Variants in EHBP1 observed in about 807,000 individuals in gnomAD.
EHBP1 encodes the protein EH domain binding protein 1.
A neutral mutation model predicts 144.0 loss-of-function variants in EHBP1; 55 were observed. That is an observed-to-expected ratio of 0.38 (90% CI 0.31 to 0.48). The LOEUF is 0.48. EHBP1 is among the 20% of genes least tolerant of loss of function. The pLI is 0.98. For missense variants in EHBP1, 1,200 were observed against 1,364.2 expected (o/e 0.88, Z 1.90); for synonymous variants, 469 against 472.7 (o/e 0.99, Z 0.10).
intron 19 of EHBP1, among the ~76,000 whole-genome samples, chr2:63,008,754 TA>T (rs2060150971): frequency 6.6e-6 from 1 of 151,450 alleles, no homozygotes; most frequent in African/African-American, 2.4e-5. Flanking sequence ...AAACCAGAAA[TA>T]AAAATATATA....
chr2:62,693,089 A>G (rs1277659124), intron 1 of EHBP1, among the ~76,000 whole-genome samples: 1 of 152,174 alleles, frequency 6.6e-6, no homozygotes, highest in African/African-American at 2.4e-5. Flanking sequence ...TTTAGCTCCC[A>G]TAGATAAGTG....
At chr2:62,704,744 A>G (rs2151771705), upstream of EHBP1, among the ~76,000 whole-genome samples, 2 of 152,250 alleles carry the variant, frequency 1.3e-5, no homozygotes, top group South Asian at 4.2e-4. Flanking sequence ...GAACCACCTA[A>G]AACTGAAAAC....
intron 7 of EHBP1, among the ~76,000 whole-genome samples, chr2:62,845,402 T>C (rs747843063): frequency 1.3e-5 from 2 of 152,164 alleles, no homozygotes; most frequent in Non-Finnish European, 2.9e-5. Flanking sequence ...TTTGGCTACC[T>C]TCAGGGAACA....
chr2:62,953,217 CAAAAAAAAAA>C (rs35848429), intron 13 of EHBP1, among the ~76,000 whole-genome samples: 1 of 64,492 alleles, frequency 1.6e-5, no homozygotes, highest in South Asian at 7.3e-4. Flanking sequence ...AAGTCCGTCT[CAAAAAAAAAA>C]AAAAAAAAAA....
intron 5 of EHBP1, among the ~76,000 whole-genome samples, chr2:62,788,597 A>G (rs1307604002): frequency 6.6e-6 from 1 of 152,156 alleles, no homozygotes; most frequent in Non-Finnish European, 1.5e-5. Context: ...AAACTTTATC[A>G]TACTAATTTA....
chr2:62,704,322 A>G (rs956472056), upstream of EHBP1, among the ~76,000 whole-genome samples: 4 of 152,320 alleles, frequency 2.6e-5, no homozygotes, highest in East Asian at 7.7e-4. Context: ...TTCAAGCCTT[A>G]TATCTGTCTC....
intron 1 of EHBP1, among the ~76,000 whole-genome samples, chr2:62,683,606 C>G (rs2033608575): frequency 7.6e-6 from 1 of 132,354 alleles, no homozygotes; most frequent in African/African-American, 2.9e-5. Context: ...TTGCAGTGAG[C>G]TGAGATCGCG....
chr2:62,775,740 T>C (rs1558650781), intron 5 of EHBP1, among the ~76,000 whole-genome samples: 1 of 152,206 alleles, frequency 6.6e-6, no homozygotes, highest in Non-Finnish European at 1.5e-5. Flanking sequence ...CTCATTATAA[T>C]AACTCTGGTG....
chr2:62,993,479 T>G, intron 16 of EHBP1, 51 bp from the exon 17 acceptor site: 1 of 1,391,052 alleles, frequency 7.2e-7, no homozygotes, highest in Non-Finnish European at 9.5e-7. Context: ...AATGTGTAAT[T>G]TTATGTTTAT....
chr2:62,838,417 C>G (rs1248627802), intron 7 of EHBP1, among the ~76,000 whole-genome samples: 2 of 151,576 alleles, frequency 1.3e-5, no homozygotes, highest in African/African-American at 2.4e-5. Context: ...ACCCTAACAT[C>G]ACAATTAAAA....
chr2:62,961,115 A>G (rs964680250), intron 14 of EHBP1, among the ~76,000 whole-genome samples: 3 of 152,198 alleles, frequency 2.0e-5, no homozygotes, highest in African/African-American at 7.2e-5. Context: ...CGATATTCTT[A>G]TTGGGTGGAC....
chr2:62,831,483 G>A (rs1416020073), intron 7 of EHBP1, among the ~76,000 whole-genome samples: 4 of 152,138 alleles, frequency 2.6e-5, no homozygotes, highest in Non-Finnish European at 4.4e-5. Context: ...GCCTGTAAAG[G>A]ATAATAGGAC....
chr2:62,999,522 T>C (rs1364882610), intron 19 of EHBP1, among the ~76,000 whole-genome samples: 1 of 152,216 alleles, frequency 6.6e-6, no homozygotes, highest in African/African-American at 2.4e-5. Flanking sequence ...GAATCTTTAA[T>C]CTACTTTTTC....
intron 19 of EHBP1, among the ~76,000 whole-genome samples, chr2:63,022,553 G>A (rs1457829317): frequency 1.3e-5 from 2 of 151,460 alleles, no homozygotes; most frequent in East Asian, 3.9e-4. Flanking sequence ...GACCTCAGGT[G>A]ATCCGCCTGC....
At chr2:62,915,546 G>C (rs993490152) in intron 10 of EHBP1, among the ~76,000 whole-genome samples, 1 of 152,084 alleles carries the variant, frequency 6.6e-6, no homozygotes, top group Non-Finnish European at 1.5e-5. Context: ...CATGTCACAT[G>C]TATAATTTTA....
intron 19 of EHBP1, among the ~76,000 whole-genome samples, chr2:63,021,233 T>C (rs532934351): frequency 1.3e-5 from 2 of 152,206 alleles, no homozygotes; most frequent in East Asian, 1.9e-4. Context: ...TCTCCGTCTC[T>C]CCCTCTGTCT....
chr2:62,730,009 A>G (rs142108814), intron 2 of EHBP1, among the ~76,000 whole-genome samples: 1 of 152,210 alleles, frequency 6.6e-6, no homozygotes, highest in East Asian at 1.9e-4. Flanking sequence ...AGTCACACAA[A>G]TTCTTTGTTT....
chr2:62,935,554 G>T (rs943506374), intron 10 of EHBP1, among the ~76,000 whole-genome samples: 4 of 151,756 alleles, frequency 2.6e-5, no homozygotes, highest in African/African-American at 9.7e-5. Context: ...CATTGATTTT[G>T]TATCCAACAC....
At chr2:62,841,570 A>G (rs573355295) in intron 7 of EHBP1, among the ~76,000 whole-genome samples, 1 of 152,264 alleles carries the variant, frequency 6.6e-6, no homozygotes, top group Admixed American at 6.5e-5. Flanking sequence ...TCTCTTCTTT[A>G]TTTAAACCCT....
Sources: allele counts gnomAD v4.1 joint callset (sites outside exome capture counted in the v4.1 genomes callset), GRCh38; gene constraint gnomAD v4.1.1; transcripts MANE v1.5; gene names NCBI Gene and HGNC (gene_info 2026-07-23, HGNC 2026-07-21).